EIF3J: variants seen among roughly 807,000 people sequenced by gnomAD.
The protein encoded by EIF3J is eukaryotic translation initiation factor 3, subunit 1 (alpha, 35kD).
EIF3J carries 15 observed loss-of-function variants against 39.0 expected under a neutral mutation model. That is an observed-to-expected ratio of 0.38 (90% CI 0.26 to 0.59). The LOEUF (loss-of-function observed/expected upper bound fraction) is 0.59, where lower values mean the gene tolerates loss of function less well. Ranked by LOEUF, EIF3J falls within the 20% of genes least tolerant of loss-of-function variation. EIF3J has a pLI of 0.60. For missense variants in EIF3J, 226 were observed against 308.6 expected (o/e 0.73, Z 2.00); for synonymous variants, 98 against 112.9 (o/e 0.87, Z 0.84).
In EIF3J at chr15:44,553,199, AAAG is replaced by A. The variant is rs903336466; in HGVS notation, c.295-1348_295-1346del. On this transcript the variant is annotated intron_variant, in intron 4 of 7. Transcript: ENST00000261868. ...AGATCCTGCCTCAAAACAAAAAAAA[AAAG>A]AAGAAAACGGCCAGGCGTGGTGGCT... Among the ~76,000 whole-genome samples the A allele has an allele frequency of 2.4e-4, 37 of 151,662 alleles. No homozygotes were observed. In the East Asian group the frequency reaches 5.1e-3, roughly 21 times the overall value.
chr15:44,538,698 A>G (rs747893913), intron 2 of EIF3J, among the ~76,000 whole-genome samples: 23 of 152,182 alleles, frequency 1.5e-4, no homozygotes, highest in Admixed American at 6.5e-5. Flanking sequence ...CAGATGCTTT[A>G]TTTACATGTT....
intron 2 of EIF3J, among the ~76,000 whole-genome samples, chr15:44,539,902 A>T (rs1172971783): frequency 2.0e-5 from 3 of 150,032 alleles, no homozygotes; most frequent in African/African-American, 7.4e-5. Context: ...CTGGGATTAC[A>T]GGTGTGCACC....
rs1567114120 is a variant in EIF3J at position 44,537,402 on chromosome 15, GCGAGGA to G, written c.137_142del (p.Glu46_Asp47del). On this transcript the variant is annotated inframe_deletion, in exon 2 of 8. Transcript: ENST00000261868. Reference sequence around the variant, plus strand: ...ACTGCCGGCGGGGACCGCTGGGAAGGCGAGGACGAGGACGAGGACGTCAAGGTGGGT... The same window carrying G: ...ACTGCCGGCGGGGACCGCTGGGAAGGCGAGGACGAGGACGTCAAGGTGGGT... 1.3e-6 allele frequency: 2 copies of G among 1,561,480 alleles called. No homozygotes were observed. Among genetic ancestry groups the G allele is most frequent in the Admixed American group, 1.9e-5 (1 of 52,230 alleles).
chr15:44,539,555 C>A (rs767406544), intron 2 of EIF3J, among the ~76,000 whole-genome samples: 1 of 151,454 alleles, frequency 6.6e-6, no homozygotes, highest in Admixed American at 6.6e-5. Context: ...TGCCCACCAC[C>A]ACGCCCGGCT....
intron 2 of EIF3J, among the ~76,000 whole-genome samples, chr15:44,539,845 C>T (rs1012774346): frequency 6.6e-6 from 1 of 151,656 alleles, no homozygotes. Flanking sequence ...TCTGCAACCT[C>T]CGCCTCCCGG....
chr15:44,551,242 T>C (rs996966653), intron 3 of EIF3J, among the ~76,000 whole-genome samples, 189 bp from the exon 4 acceptor site: 4 of 152,116 alleles, frequency 2.6e-5, no homozygotes, highest in African/African-American at 9.7e-5. Context: ...GAAGAGATAT[T>C]TGGATCTTAG....
At chr15:44,559,689 A>C (rs1295669378) in intron 6 of EIF3J, among the ~76,000 whole-genome samples, 1 of 151,176 alleles carries the variant, frequency 6.6e-6, no homozygotes, top group Admixed American at 6.6e-5. Context: ...CCTGGGTGAC[A>C]GAGTGAGACT....
rs760374692 is a variant in EIF3J, at chr15:44,550,911, G to A, written c.183G>A (p.Glu61=). 2 of 1,609,442 alleles carry A rather than the reference G, an allele frequency of 1.2e-6. No homozygotes were observed. The highest frequency in any genetic ancestry group is 1.1e-5 in the South Asian group (1 of 90,270). ...NWDDDDDEKK[E]EAEVKPEVKI... The stretch of plus-strand genomic sequence containing the variant: ...ATGACGATGATGATGAAAAAAAAGA[G>A]GAAGCAGAAGTAAAACCAGGTGAGC... The change falls in exon 3 of 8, where the codon GAG becomes GAA. Residue 61 remains glutamate (E), a synonymous_variant. Transcript: ENST00000261868.
Position 44,539,622 on chromosome 15 carries a change from A to C in EIF3J, c.147+2195A>C, listed in dbSNP as rs572939317. Among the ~76,000 whole-genome samples, 22 of 151,558 alleles carry C rather than the reference A, an allele frequency of 1.5e-4. No individual in the cohort carries two copies. In the South Asian group the frequency reaches 1.5e-3, roughly 10 times the overall value. On this transcript the variant is annotated intron_variant, in intron 2 of 7. Transcript: ENST00000261868. ...TCACCGTGTTAGCCAGGATGGTCTC[A>C]ATCTCCTGACCTTGTGATCTGCCCG...
chr15:44,561,356 T>C lies in EIF3J; in HGVS notation c.*207T>C. ...TGCCAAGGGGTTAAAATTGGGAACC[T>C]AAGTTGCTACTAAATCATAGTTCAA... On this transcript the variant is annotated 3_prime_UTR_variant, in exon 8 of 8. Transcript: ENST00000261868. 2.3e-6 allele frequency: 1 copy of C among 438,000 alleles called. No homozygotes were observed. Among genetic ancestry groups the C allele is most frequent in the Non-Finnish European group, 4.0e-6 (1 of 252,074 alleles). 27.1% of individuals were successfully genotyped at this position (438,000 alleles called of 1,614,324 possible). A position where few individuals can be genotyped will look rare whatever the true frequency, so the allele number is the denominator to read the frequency against.
rs1048556662 is a variant in EIF3J, at chr15:44,561,836, C to T, written c.*687C>T. 5.2e-5 allele frequency: 8 copies of T among 152,668 alleles called. No homozygotes were observed. Among genetic ancestry groups the T allele is most frequent in the Non-Finnish European group, 1.2e-4 (8 of 68,016 alleles). The allele number at this position is 152,668 out of a possible 1,614,324, so 9.5% of individuals were successfully genotyped here. On this transcript the variant is annotated 3_prime_UTR_variant, in exon 8 of 8. Coordinates refer to ENST00000261868, the MANE Select transcript of EIF3J (RefSeq NM_003758.4). ...TCAGGCTATTTCTACTGATGAACTG[C>T]TTCAGGTGGGGGAGGGAAACTTATT...
At chr15:44,554,376 A>G (rs576480713) in intron 4 of EIF3J, among the ~76,000 whole-genome samples, 177 bp from the exon 5 acceptor site, 2,381 of 125,672 alleles carry the variant, frequency 0.019, 15 homozygotes, top group Non-Finnish European at 0.027. Context: ...GGCTCTGTCT[A>G]AAAAAAAAAA....
chr15:44,543,552 T>C (rs1358688999), intron 2 of EIF3J, among the ~76,000 whole-genome samples: 1 of 151,966 alleles, frequency 6.6e-6, no homozygotes, highest in Non-Finnish European at 1.5e-5. Context: ...TAGCTGGGAC[T>C]ACAGGTGTGC....
intron 2 of EIF3J, among the ~76,000 whole-genome samples, chr15:44,542,128 C>A (rs188445172): frequency 5.8e-4 from 89 of 152,278 alleles, no homozygotes; most frequent in Admixed American, 7.8e-4. Flanking sequence ...ATGTTAAAAG[C>A]TTAATGAATT....
At chr15:44,537,611 C>T (rs1438297206) in intron 2 of EIF3J, among the ~76,000 whole-genome samples, 184 bp downstream of exon 2, 1 of 152,202 alleles carries the variant, frequency 6.6e-6, no homozygotes, top group Non-Finnish European at 1.5e-5. Flanking sequence ...GCAGCGTGGC[C>T]TCCCGGACTC....
intron 7 of EIF3J, chr15:44,560,549 C>G: frequency 4.0e-6 from 2 of 501,688 alleles, no homozygotes; most frequent in Non-Finnish European, 7.0e-6. Context: ...AGACTGGGTT[C>G]AAATACTAGC....
chr15:44,546,660 CCTATGATTAAAGCCAT>C (rs1380114488), intron 2 of EIF3J, among the ~76,000 whole-genome samples: 1 of 151,992 alleles, frequency 6.6e-6, no homozygotes, highest in African/African-American at 2.4e-5. Flanking sequence ...GGCCAGGCTA[CCTATGATTAAAGCCAT>C]CTTTAATCAT....
At chr15:44,551,335 G>C in intron 3 of EIF3J, 96 bp from the exon 4 acceptor site, 3 of 785,220 alleles carry the variant, frequency 3.8e-6, no homozygotes, top group Non-Finnish European at 6.0e-6. Context: ...GCTGGGAAAG[G>C]TTTGGTCTCT....
chr15:44,537,540 C>G (rs1256015243), intron 2 of EIF3J, 113 bp downstream of exon 2: 1 of 1,116,410 alleles, frequency 9.0e-7, no homozygotes, highest in Non-Finnish European at 1.2e-6. Flanking sequence ...CAGGCGCGAG[C>G]ATAGGGCCTG....
Sources: allele counts gnomAD v4.1 joint callset (sites outside exome capture counted in the v4.1 genomes callset), GRCh38; gene constraint gnomAD v4.1.1; transcripts MANE v1.5; gene names NCBI Gene and HGNC (gene_info 2026-07-23, HGNC 2026-07-21).